Variants in NDUFAF2 observed in about 807,000 individuals in gnomAD.
NDUFAF2 encodes the protein NADH:ubiquinone oxidoreductase complex assembly factor 2, also known as NADH dehydrogenase [ubiquinone] 1 alpha subcomplex assembly factor 2.
In NDUFAF2, 13 loss-of-function variants were observed where a neutral mutation model predicts 22.8. The ratio of observed to expected loss-of-function variants is 0.57; its 90% CI spans 0.37 to 0.91. NDUFAF2 has a LOEUF of 0.91. NDUFAF2 is among the 40% of genes least tolerant of loss of function. The pLI, the probability that NDUFAF2 is intolerant of heterozygous loss-of-function variation, is 0.01. For missense variants in NDUFAF2, 162 were observed against 195.2 expected, an observed-to-expected ratio of 0.83 and a Z score of 1.01; for synonymous variants, 53 against 64.2, an observed-to-expected ratio of 0.83 and a Z score of 0.84.
In NDUFAF2 at chr5:61,076,369, C is replaced by T. The variant is rs148492717; in HGVS notation, c.217+3155C>T. 8.7e-4 allele frequency among the ~76,000 whole-genome samples: 132 copies of T among 152,238 alleles called. 1 individual carries two copies. The East Asian group carries it at 0.024, about 27-fold the overall frequency. On this transcript the variant is annotated intron_variant, in intron 2 of 3. Coordinates refer to ENST00000296597, the MANE Select transcript of NDUFAF2 (RefSeq NM_174889.5). Reference sequence around the variant, plus strand: ...GATTACAGGCGTGAGCCACCGCGCCCGGCCGTTTTGCAGTTTTAAATAGTG... The same window carrying T: ...GATTACAGGCGTGAGCCACCGCGCCTGGCCGTTTTGCAGTTTTAAATAGTG...
chr5:60,983,023 A>G (rs902211628), intron 1 of NDUFAF2, among the ~76,000 whole-genome samples: 98 of 151,802 alleles, frequency 6.5e-4, no homozygotes, highest in African/African-American at 2.2e-3. Flanking sequence ...CCAACAGTGT[A>G]AAAGTGTTCC....
At chr5:61,071,799 T>C (rs16878548) in intron 1 of NDUFAF2, among the ~76,000 whole-genome samples, 20,740 of 152,164 alleles carry the variant, frequency 0.14, 1,654 homozygotes, top group African/African-American at 0.22. Flanking sequence ...TGTTAAATAG[T>C]AGGAAGTAGA....
At chr5:61,106,050 TC>T (rs1752759031) in intron 3 of NDUFAF2, among the ~76,000 whole-genome samples, 1 of 151,366 alleles carries the variant, frequency 6.6e-6, no homozygotes, top group South Asian at 2.1e-4. Context: ...TAGTTAAAAA[TC>T]CGTTTAAGAA....
chr5:60,945,326 G>A lies in NDUFAF2; in HGVS notation c.71G>A (p.Gly24Asp), dbSNP rs1248004309. The stretch of plus-strand genomic sequence containing the variant: ...TCAAGGGAAGTGAAGGAGCACGTGG[G>A]CACGGACCAATTCGGGAACAAATAC... Reference protein sequence around the residue: ...SLSREVKEHVGTDQFGNKYYY... With the variant: ...SLSREVKEHVDTDQFGNKYYY... Residue 24 changes from glycine to aspartate, a missense_variant, in exon 1 of 4, where the codon GGC (glycine) becomes GAC (aspartate). Transcript: ENST00000296597. 1.2e-6 allele frequency: 2 copies of A among 1,614,100 alleles called. No individual in the cohort carries two copies. Among genetic ancestry groups the A allele is most frequent in the Admixed American group, 1.7e-5 (1 of 60,014 alleles).
intron 1 of NDUFAF2, among the ~76,000 whole-genome samples, chr5:61,030,569 C>G (rs1203980738): frequency 2.0e-5 from 3 of 151,920 alleles, no homozygotes; most frequent in Non-Finnish European, 4.4e-5. Flanking sequence ...ATATATAAAA[C>G]CATTGATTTT....
intron 2 of NDUFAF2, among the ~76,000 whole-genome samples, chr5:61,078,978 T>C (rs1752404673): frequency 6.6e-6 from 1 of 152,220 alleles, no homozygotes; most frequent in Admixed American, 6.5e-5. Flanking sequence ...TTGTTTCGTG[T>C]TAACAGTAAT....
intron 3 of NDUFAF2, among the ~76,000 whole-genome samples, chr5:61,152,301 A>C (rs1054370943): frequency 5.3e-5 from 8 of 152,140 alleles, no homozygotes; most frequent in Non-Finnish European, 7.4e-5. Flanking sequence ...GAAAAAAAAA[A>C]AAGGGTAGTC....
At chr5:61,071,586 T>C (rs1208967042) in intron 1 of NDUFAF2, among the ~76,000 whole-genome samples, 2 of 152,218 alleles carry the variant, frequency 1.3e-5, no homozygotes, top group Non-Finnish European at 2.9e-5. Flanking sequence ...GCATCAAGGT[T>C]AATTTCTTTA....
At chr5:60,974,268 G>A (rs930718133) in intron 1 of NDUFAF2, among the ~76,000 whole-genome samples, 7 of 152,152 alleles carry the variant, frequency 4.6e-5, no homozygotes, top group Non-Finnish European at 8.8e-5. Context: ...TCAAACATTA[G>A]ACTCCAAGTT....
chr5:61,076,093 A>G (rs539618325), intron 2 of NDUFAF2, among the ~76,000 whole-genome samples: 1 of 152,184 alleles, frequency 6.6e-6, no homozygotes, highest in African/African-American at 2.4e-5. Flanking sequence ...GTTTTTTAAG[A>G]TGGAGTCTCG....
intron 1 of NDUFAF2, among the ~76,000 whole-genome samples, chr5:60,997,480 G>A (rs1751242800): frequency 6.6e-6 from 1 of 152,132 alleles, no homozygotes; most frequent in South Asian, 2.1e-4. Flanking sequence ...AGATCAAACA[G>A]GTATGATAAA....
chr5:61,016,777 A>G (rs1751516645), intron 1 of NDUFAF2, among the ~76,000 whole-genome samples: 1 of 152,208 alleles, frequency 6.6e-6, no homozygotes, highest in African/African-American at 2.4e-5. Context: ...TTAGGCATCA[A>G]CATGGCTTAT....
At chr5:61,008,137 C>G (rs966295668) in intron 1 of NDUFAF2, among the ~76,000 whole-genome samples, 20 of 121,382 alleles carry the variant, frequency 1.6e-4, no homozygotes, top group Non-Finnish European at 4.7e-5. Flanking sequence ...GAACATCACA[C>G]TCTGGGGACT....
At chr5:61,119,396 A>AT (rs370142402) in intron 3 of NDUFAF2, among the ~76,000 whole-genome samples, 1 of 151,968 alleles carries the variant, frequency 6.6e-6, no homozygotes, top group African/African-American at 2.4e-5. Flanking sequence ...TGTTTTTAGT[A>AT]TTTTTTTTCT....
chr5:61,074,321 G>T (rs1040433200), intron 2 of NDUFAF2, among the ~76,000 whole-genome samples: 3 of 152,122 alleles, frequency 2.0e-5, no homozygotes, highest in Non-Finnish European at 4.4e-5. Flanking sequence ...AGGTGTGGTG[G>T]CTCATGCCTG....
chr5:61,096,591 C>G (rs1186493863), intron 2 of NDUFAF2, among the ~76,000 whole-genome samples: 1 of 111,618 alleles, frequency 9.0e-6, no homozygotes, highest in East Asian at 3.0e-4. Flanking sequence ...GAGTGAGACA[C>G]CATTGCAAAA....
At chr5:61,105,112 T>C (rs765492724) in intron 3 of NDUFAF2, among the ~76,000 whole-genome samples, 10 of 147,148 alleles carry the variant, frequency 6.8e-5, no homozygotes, top group Non-Finnish European at 1.2e-4. Flanking sequence ...TCCTATGCCA[T>C]GACAGTAGTT....
At chr5:61,075,179 C>T (rs1460178918) in intron 2 of NDUFAF2, among the ~76,000 whole-genome samples, 1 of 152,142 alleles carries the variant, frequency 6.6e-6, no homozygotes, top group East Asian at 1.9e-4. Flanking sequence ...TAGCTTCATA[C>T]GTGGGTAAAC....
At chr5:61,005,822 T>G (rs1355417979) in intron 1 of NDUFAF2, among the ~76,000 whole-genome samples, 4 of 152,062 alleles carry the variant, frequency 2.6e-5, no homozygotes, top group African/African-American at 9.7e-5. Context: ...TTTAAGTTCT[T>G]TGTAGATTCT....
Sources: allele counts gnomAD v4.1 joint callset (sites outside exome capture counted in the v4.1 genomes callset), GRCh38; gene constraint gnomAD v4.1.1; transcripts MANE v1.5; gene names NCBI Gene and HGNC (gene_info 2026-07-23, HGNC 2026-07-21).